CNTNAP4: variants seen among roughly 807,000 people sequenced by gnomAD.
The protein encoded by CNTNAP4 is contactin associated protein family member 4.
CNTNAP4 carries 98 observed loss-of-function variants against 148.4 expected under a neutral mutation model. That is an observed-to-expected ratio of 0.66 (90% CI 0.56 to 0.78). CNTNAP4 has a LOEUF of 0.78. Among genes scored for constraint, CNTNAP4 ranks in the 30% least tolerant of loss-of-function variants. The pLI, the probability that CNTNAP4 is intolerant of heterozygous loss-of-function variation, is 0.00. For missense variants in CNTNAP4, 1,935 were observed against 1,565.6 expected (o/e 1.24, Z -3.98); for synonymous variants, 730 against 565.1 (o/e 1.29, Z -4.14).
intron 3 of CNTNAP4, among the ~76,000 whole-genome samples, chr16:76,411,846 A>C (rs1203193076): frequency 6.6e-6 from 1 of 151,418 alleles, no homozygotes; most frequent in East Asian, 1.9e-4. Flanking sequence ...AAAAGACAAA[A>C]AGCATAAATG....
At chr16:76,558,037 A>T (rs2085268851) in intron 23 of CNTNAP4, 1 of 152,518 alleles carries the variant, frequency 6.6e-6, no homozygotes, top group African/African-American at 2.4e-5. Flanking sequence ...TACATAACCC[A>T]TTTCTGCTGT....
intron 8 of CNTNAP4, among the ~76,000 whole-genome samples, chr16:76,460,355 T>G (rs2080894308): frequency 6.6e-6 from 1 of 151,800 alleles, no homozygotes; most frequent in South Asian, 2.1e-4. Flanking sequence ...GTGATCCGCC[T>G]GCCTCAGCCT....
At chr16:76,335,961 C>G (rs921970901) in intron 2 of CNTNAP4, among the ~76,000 whole-genome samples, 1 of 152,042 alleles carries the variant, frequency 6.6e-6, no homozygotes, top group Non-Finnish European at 1.5e-5. Context: ...GTTCACTGTC[C>G]AGGCAGAAGA....
chr16:76,385,492 A>G (rs779368131), intron 3 of CNTNAP4, among the ~76,000 whole-genome samples: 3 of 152,042 alleles, frequency 2.0e-5, no homozygotes, highest in Non-Finnish European at 2.9e-5. Context: ...ATATATAGCA[A>G]TGTTTCCTTT....
chr16:76,552,287 A>G (rs1428267403), intron 21 of CNTNAP4, among the ~76,000 whole-genome samples: 1 of 152,140 alleles, frequency 6.6e-6, no homozygotes, highest in Non-Finnish European at 1.5e-5. Context: ...CGTGGGGATT[A>G]TGGGGATTAC....
rs1404808737 is a variant in CNTNAP4 at position 76,395,810 on chromosome 16, C to A, written c.391-31642C>A. On this transcript the variant is annotated intron_variant, in intron 3 of 23. Transcript: ENST00000611870. ...GTGGAGTGATCTCAGCTCACTGTAA[C>A]TTCCACTTCCCGAGTTCAAGTGATC... Among the ~76,000 whole-genome samples, 5 of 151,316 alleles carry A rather than the reference C, an allele frequency of 3.3e-5. No homozygotes were observed. In the East Asian group the frequency reaches 9.8e-4, roughly 30 times the overall value.
intron 3 of CNTNAP4, among the ~76,000 whole-genome samples, chr16:76,415,486 C>T (rs1160932134): frequency 1.3e-5 from 2 of 150,866 alleles, no homozygotes; most frequent in Non-Finnish European, 3.0e-5. Flanking sequence ...AATTAGAATT[C>T]AAAGTCTAAT....
chr16:76,551,859 T>A (rs1422207736), intron 21 of CNTNAP4, among the ~76,000 whole-genome samples: 1 of 152,150 alleles, frequency 6.6e-6, no homozygotes. Context: ...CACTCCCATA[T>A]TATTATATTT....
Position 76,372,466 on chromosome 16 carries a change from T to C in CNTNAP4, c.390+16955T>C, listed in dbSNP as rs547982482. Among the ~76,000 whole-genome samples the C allele has an allele frequency of 3.3e-5, 5 of 152,180 alleles. No individual in the cohort carries two copies. The East Asian group carries it at 7.8e-4, about 24-fold the overall frequency. ...CCCTGCTGGTCCCACCAAAATCTTA[T>C]CTTGAGTTGTAGCTCGCATGATTTC... On this transcript the variant is annotated intron_variant, in intron 3 of 23. Transcript: ENST00000611870.
intron 3 of CNTNAP4, among the ~76,000 whole-genome samples, chr16:76,380,651 C>T (rs1224453178): frequency 6.6e-6 from 1 of 152,064 alleles, no homozygotes; most frequent in African/African-American, 2.4e-5. Context: ...AAACATTCAC[C>T]AATTTTTTTA....
At chr16:76,521,831 A>C (rs568747104) in intron 16 of CNTNAP4, among the ~76,000 whole-genome samples, 1 of 151,946 alleles carries the variant, frequency 6.6e-6, no homozygotes, top group African/African-American at 2.4e-5. Flanking sequence ...TTTCAAAAAC[A>C]TGAATGTATT....
chr16:76,363,594 A>G (rs1169612014), intron 3 of CNTNAP4, among the ~76,000 whole-genome samples: 1 of 152,244 alleles, frequency 6.6e-6, no homozygotes, highest in Non-Finnish European at 1.5e-5. Flanking sequence ...TAATGCATAA[A>G]TATTTTTAAA....
At chr16:76,496,085 T>TTGTGTGTGCG (rs1555576719) in intron 14 of CNTNAP4, among the ~76,000 whole-genome samples, 2 of 140,036 alleles carry the variant, frequency 1.4e-5, no homozygotes, top group East Asian at 4.2e-4. Flanking sequence ...CAAGATTATG[T>TTGTGTGTGCG]TGTGTGTGTG....
intron 13 of CNTNAP4, among the ~76,000 whole-genome samples, chr16:76,492,017 G>A (rs1198618955): frequency 6.6e-6 from 1 of 152,160 alleles, no homozygotes; most frequent in Non-Finnish European, 1.5e-5. Flanking sequence ...GTCAGAAACA[G>A]AAAGACAAAT....
intron 1 of CNTNAP4, among the ~76,000 whole-genome samples, chr16:76,284,955 T>G (rs1362855048): frequency 6.6e-6 from 1 of 152,026 alleles, no homozygotes; most frequent in Admixed American, 6.6e-5. Context: ...GGACAAAGAT[T>G]TTTTCCAAAA....
At chr16:76,322,288 G>T (rs993866679) in intron 2 of CNTNAP4, among the ~76,000 whole-genome samples, 1 of 152,100 alleles carries the variant, frequency 6.6e-6, no homozygotes, top group African/African-American at 2.4e-5. Flanking sequence ...TAAATCCATA[G>T]GTGTACAGCT....
intron 2 of CNTNAP4, among the ~76,000 whole-genome samples, chr16:76,354,845 G>T (rs1292425018): frequency 6.6e-6 from 1 of 152,158 alleles, no homozygotes; most frequent in African/African-American, 2.4e-5. Context: ...TGTTTTCCCA[G>T]ACTTAACAAT....
intron 3 of CNTNAP4, among the ~76,000 whole-genome samples, chr16:76,361,491 T>G (rs1387790576): frequency 2.6e-5 from 4 of 152,198 alleles, no homozygotes; most frequent in Admixed American, 2.0e-4. Context: ...GAATGTGCTT[T>G]CTTTTTTTTT....
At chr16:76,414,539 A>G (rs2078911393) in intron 3 of CNTNAP4, among the ~76,000 whole-genome samples, 1 of 151,290 alleles carries the variant, frequency 6.6e-6, no homozygotes, top group Non-Finnish European at 1.5e-5. Flanking sequence ...CTGGCCTCAC[A>G]AAACAAGCTG....
Sources: gnomAD v4.1 joint callset for allele counts (sites outside exome capture counted in the v4.1 genomes callset) on GRCh38, gnomAD v4.1.1 for gene constraint, MANE v1.5 for transcripts, NCBI Gene and HGNC (gene_info 2026-07-23, HGNC 2026-07-21) for gene names.